The following CNTNAP2 variants were observed in gnomAD, a reference collection of about 807,000 sequenced individuals.
CNTNAP2 encodes the protein contactin associated protein 2.
Under a neutral mutation model 155.2 loss-of-function variants are expected in CNTNAP2, and 98 were observed. That is an observed-to-expected ratio of 0.63 (90% CI 0.54 to 0.75). CNTNAP2 has a LOEUF of 0.75. Among genes scored for constraint, CNTNAP2 ranks in the 30% least tolerant of loss-of-function variants. The pLI, the probability that CNTNAP2 is intolerant of heterozygous loss-of-function variation, is 0.00. For missense variants in CNTNAP2, 1,727 were observed against 1,688.1 expected, an observed-to-expected ratio of 1.02 and a Z score of -0.40; for synonymous variants, 651 against 631.2, an observed-to-expected ratio of 1.03 and a Z score of -0.47.
chr7:147,377,732 A>T (rs73475212), intron 9 of CNTNAP2, among the ~76,000 whole-genome samples: 1 of 151,834 alleles, frequency 6.6e-6, no homozygotes, highest in Non-Finnish European at 1.5e-5. Flanking sequence ...TACTTTGAGT[A>T]TATTATCCTA....
chr7:147,716,987 G>T (rs1796488741), intron 13 of CNTNAP2, among the ~76,000 whole-genome samples: 1 of 152,024 alleles, frequency 6.6e-6, no homozygotes, highest in African/African-American at 2.4e-5. Context: ...AGTAGATTGG[G>T]AGCTACATGC....
chr7:148,289,400 T>C (rs1329324107), intron 21 of CNTNAP2, among the ~76,000 whole-genome samples: 1 of 152,182 alleles, frequency 6.6e-6, no homozygotes, highest in African/African-American at 2.4e-5. Flanking sequence ...ACACAGATAC[T>C]GTCTTGATGG....
intron 1 of CNTNAP2, among the ~76,000 whole-genome samples, chr7:146,658,657 T>C (rs116499476): frequency 0.02 from 3,106 of 152,248 alleles, 99 homozygotes; most frequent in African/African-American, 0.071. Flanking sequence ...AAGGGAGATA[T>C]GATGCAAATT....
chr7:146,574,995 C>G (rs961285749), intron 1 of CNTNAP2, among the ~76,000 whole-genome samples: 2 of 152,162 alleles, frequency 1.3e-5, no homozygotes, highest in African/African-American at 4.8e-5. Flanking sequence ...TGTTTCCCCT[C>G]ATACATTTTT....
At chr7:148,077,970 A>T (rs1160962400) in intron 15 of CNTNAP2, among the ~76,000 whole-genome samples, 1 of 151,376 alleles carries the variant, frequency 6.6e-6, no homozygotes, top group African/African-American at 2.5e-5. Context: ...GAGTTACTAT[A>T]ATTGGATTCA....
At chr7:146,179,100 T>G (rs964973219) in intron 1 of CNTNAP2, among the ~76,000 whole-genome samples, 2 of 152,214 alleles carry the variant, frequency 1.3e-5, no homozygotes, top group Non-Finnish European at 2.9e-5. Flanking sequence ...TCTGCTCCTC[T>G]GTGATCACCT....
At chr7:146,227,179 T>A (rs1584812609) in intron 1 of CNTNAP2, among the ~76,000 whole-genome samples, 1 of 151,934 alleles carries the variant, frequency 6.6e-6, no homozygotes, top group Admixed American at 6.5e-5. Context: ...TATTCCCAGC[T>A]CTTTGGGAGG....
intron 1 of CNTNAP2, among the ~76,000 whole-genome samples, chr7:146,580,728 G>C (rs1341660676): frequency 1.3e-5 from 2 of 152,020 alleles, no homozygotes; most frequent in Non-Finnish European, 2.9e-5. Context: ...TGTTAGAATT[G>C]CTGATTTGTT....
At chr7:147,365,103 T>G (rs919897000) in intron 9 of CNTNAP2, among the ~76,000 whole-genome samples, 1 of 152,040 alleles carries the variant, frequency 6.6e-6, no homozygotes, top group Non-Finnish European at 1.5e-5. Context: ...TTTTCCTGTT[T>G]TTAAAACTTA....
At chr7:146,121,543 T>G (rs1015125724) in intron 1 of CNTNAP2, among the ~76,000 whole-genome samples, 11 of 152,278 alleles carry the variant, frequency 7.2e-5, no homozygotes, top group Non-Finnish European at 1.5e-4. Flanking sequence ...AAATAAAACA[T>G]GTACTTTAAA....
chr7:147,514,796 T>C (rs1326998499), intron 11 of CNTNAP2, among the ~76,000 whole-genome samples: 1 of 152,074 alleles, frequency 6.6e-6, no homozygotes, highest in Non-Finnish European at 1.5e-5. Flanking sequence ...CCCCATCAAC[T>C]AGTTCTGCTC....
At chr7:146,164,020 A>G (rs1798273728) in intron 1 of CNTNAP2, among the ~76,000 whole-genome samples, 1 of 152,144 alleles carries the variant, frequency 6.6e-6, no homozygotes, top group Non-Finnish European at 1.5e-5. Flanking sequence ...TTCTGTTGAT[A>G]TTATATTTGC....
chr7:147,478,226 C>T (rs1163492739), intron 10 of CNTNAP2, among the ~76,000 whole-genome samples: 1 of 151,802 alleles, frequency 6.6e-6, no homozygotes, highest in Non-Finnish European at 1.5e-5. Context: ...GATCTCGGCT[C>T]ACTGCAACCT....
At chr7:146,820,099 T>C (rs1317964288) in intron 2 of CNTNAP2, among the ~76,000 whole-genome samples, 2 of 152,210 alleles carry the variant, frequency 1.3e-5, no homozygotes, top group African/African-American at 4.8e-5. Context: ...TTGAGGTATG[T>C]AGAGCATCTC....
chr7:147,903,956 A>T (rs1268141202), intron 14 of CNTNAP2, among the ~76,000 whole-genome samples: 1 of 152,226 alleles, frequency 6.6e-6, no homozygotes, highest in Non-Finnish European at 1.5e-5. Context: ...ATGTGTTCAT[A>T]TTTTATTCAG....
chr7:147,854,043 T>C (rs1390650250), intron 13 of CNTNAP2, among the ~76,000 whole-genome samples: 2 of 152,170 alleles, frequency 1.3e-5, no homozygotes, highest in Non-Finnish European at 2.9e-5. Context: ...TTAACAGTGG[T>C]TTAGATCAGT....
rs1799293341 is a variant in CNTNAP2 at position 147,869,584 on chromosome 7, AG to A, written c.2099-33980del. On this transcript the variant is annotated intron_variant, in intron 13 of 23. Transcript: ENST00000361727. ...ACAAGAATAAATGGATGTTAATTTC[AG>A]CTCACAAGACAGTAGTAATTTCAAA... Among the ~76,000 whole-genome samples the A allele has an allele frequency of 2.0e-5, 3 of 147,480 alleles. No homozygotes were observed. The South Asian group carries it at 6.5e-4, about 32-fold the overall frequency.
chr7:148,312,436 G>A (rs1797611849), intron 21 of CNTNAP2, among the ~76,000 whole-genome samples: 1 of 152,186 alleles, frequency 6.6e-6, no homozygotes, highest in South Asian at 2.1e-4. Context: ...GTACAGCCCA[G>A]GTAATTTGCT....
At chr7:147,225,924 AAG>A (rs1803528524) in intron 8 of CNTNAP2, among the ~76,000 whole-genome samples, 2 of 130,766 alleles carry the variant, frequency 1.5e-5, no homozygotes, top group African/African-American at 5.6e-5. Flanking sequence ...GGAAGGAAAG[AAG>A]GAAGGAAAGA....
Sources: gnomAD v4.1 joint callset for allele counts (sites outside exome capture counted in the v4.1 genomes callset) on GRCh38, gnomAD v4.1.1 for gene constraint, MANE v1.5 for transcripts, NCBI Gene and HGNC (gene_info 2026-07-23, HGNC 2026-07-21) for gene names.